The following PROM1 variants were observed in gnomAD, a reference collection of about 807,000 sequenced individuals.
The protein encoded by PROM1 is prominin 1.
Under a neutral mutation model 116.9 loss-of-function variants are expected in PROM1, and 105 were observed. That is an observed-to-expected ratio of 0.90 (90% confidence interval 0.77 to 1.06). The LOEUF is 1.06. Among genes scored for constraint, PROM1 ranks in the 50% least tolerant of loss-of-function variants. PROM1 has a pLI of 0.00. For synonymous variants in PROM1, 393 were observed against 387.0 expected (o/e 1.02, Z -0.18); for missense variants, 1,122 against 1,045.2 (o/e 1.07, Z -1.01).
chr4:16,040,050 C>T (rs912123592), intron 2 of PROM1, among the ~76,000 whole-genome samples: 3 of 152,130 alleles, frequency 2.0e-5, no homozygotes, highest in Non-Finnish European at 2.9e-5. Context: ...TCTCTCACCC[C>T]AGGAAGGAGC....
chr4:15,998,255 A>G, intron 15 of PROM1, 130 bp downstream of exon 15: 2 of 1,331,174 alleles, frequency 1.5e-6, no homozygotes, highest in Non-Finnish European at 2.0e-6. Flanking sequence ...TCTTTAAAAT[A>G]ATACAGGACA....
At chr4:16,025,070 A>C in intron 6 of PROM1, 122 bp downstream of exon 6, 1 of 1,216,220 alleles carries the variant, frequency 8.2e-7, no homozygotes. Flanking sequence ...TTAACAGATA[A>C]CACCAGTCTA....
chr4:16,036,794 C>A (rs1037083545), intron 3 of PROM1, among the ~76,000 whole-genome samples: 3 of 152,152 alleles, frequency 2.0e-5, no homozygotes, highest in Non-Finnish European at 4.4e-5. Flanking sequence ...GTCAGAAAGC[C>A]CTCCTCTAGA....
intron 2 of PROM1, among the ~76,000 whole-genome samples, chr4:16,039,841 G>T (rs1380461168): frequency 6.6e-6 from 1 of 151,960 alleles, no homozygotes; most frequent in African/African-American, 2.4e-5. Context: ...TACTCATTTA[G>T]AGTATTTGCA....
chr4:16,021,114 A>AAT (rs1729743963), intron 8 of PROM1, among the ~76,000 whole-genome samples: 1 of 151,582 alleles, frequency 6.6e-6, no homozygotes, highest in Admixed American at 6.6e-5. Context: ...AAAAAAAAAA[A>AAT]TGCTGGAGTA....
At chr4:16,064,227 A>G (rs768053598) in intron 2 of PROM1, among the ~76,000 whole-genome samples, 2 of 152,230 alleles carry the variant, frequency 1.3e-5, no homozygotes, top group African/African-American at 2.4e-5. Flanking sequence ...TCAAATGCCA[A>G]TGCAGTAGGG....
At chr4:16,066,340 A>T (rs1741527313) in intron 2 of PROM1, among the ~76,000 whole-genome samples, 1 of 152,232 alleles carries the variant, frequency 6.6e-6, no homozygotes, top group South Asian at 2.1e-4. Flanking sequence ...GTATCTACCA[A>T]GCGCTATTCT....
chr4:16,046,774 C>A (rs988501721), intron 2 of PROM1, among the ~76,000 whole-genome samples: 1 of 152,336 alleles, frequency 6.6e-6, no homozygotes, highest in East Asian at 1.9e-4. Context: ...CACGGAATCA[C>A]ACTGTCTACA....
At chr4:15,987,208 T>G (rs76565950) in intron 20 of PROM1, among the ~76,000 whole-genome samples, 1 of 152,196 alleles carries the variant, frequency 6.6e-6, no homozygotes, top group East Asian at 1.9e-4. Flanking sequence ...ACTCATCCCC[T>G]GAACTCCTGT....
intron 2 of PROM1, among the ~76,000 whole-genome samples, chr4:16,060,270 G>A (rs1739996994): frequency 6.6e-6 from 1 of 150,760 alleles, no homozygotes; most frequent in Non-Finnish European, 1.5e-5. Context: ...GATATATTAA[G>A]TTTTAAAAGC....
chr4:16,045,802 C>T (rs570138144), intron 2 of PROM1, among the ~76,000 whole-genome samples: 1 of 152,252 alleles, frequency 6.6e-6, no homozygotes, highest in African/African-American at 2.4e-5. Context: ...GGTACTTGCA[C>T]TCATAAAAAT....
chr4:16,031,910 A>G (rs747094647), intron 5 of PROM1, among the ~76,000 whole-genome samples: 130 of 151,994 alleles, frequency 8.6e-4, no homozygotes, highest in Non-Finnish European at 1.0e-3. Flanking sequence ...TGTTGTGAAG[A>G]TTTTTTTTGT....
intron 23 of PROM1, among the ~76,000 whole-genome samples, chr4:15,981,328 T>C (rs1394226285): frequency 6.7e-6 from 1 of 149,344 alleles, no homozygotes; most frequent in Non-Finnish European, 1.5e-5. Context: ...CTCAGCACTT[T>C]GGGAGGCCGA....
At chr4:16,012,665 T>C (rs1314159842) in intron 11 of PROM1, among the ~76,000 whole-genome samples, 1 of 151,934 alleles carries the variant, frequency 6.6e-6, no homozygotes, top group African/African-American at 2.4e-5. Flanking sequence ...GGTCAGGAGA[T>C]CGAGACCATC....
chr4:16,049,603 A>G (rs1479769082), intron 2 of PROM1, among the ~76,000 whole-genome samples: 1 of 152,154 alleles, frequency 6.6e-6, no homozygotes, highest in Admixed American at 6.5e-5. Context: ...CTTATGTAGG[A>G]TATGTGACCT....
intron 19 of PROM1, 92 bp downstream of exon 19, chr4:15,989,640 T>G: frequency 2.8e-6 from 3 of 1,064,254 alleles, no homozygotes; most frequent in Non-Finnish European, 4.3e-6. Context: ...CTATGAGAGA[T>G]GAGCATGTGT....
intron 8 of PROM1, among the ~76,000 whole-genome samples, chr4:16,021,329 T>C (rs1006312063): frequency 1.3e-5 from 2 of 152,148 alleles, no homozygotes; most frequent in African/African-American, 4.8e-5. Flanking sequence ...GGGCAAAAAG[T>C]AAAGGTATGC....
intron 8 of PROM1, among the ~76,000 whole-genome samples, chr4:16,021,646 G>A (rs1729920695): frequency 6.6e-6 from 1 of 152,168 alleles, no homozygotes; most frequent in South Asian, 2.1e-4. Context: ...ATCATCTGGG[G>A]CCATGTGAGC....
chr4:16,014,914 C>T (rs997512181), intron 10 of PROM1, among the ~76,000 whole-genome samples: 3 of 152,112 alleles, frequency 2.0e-5, no homozygotes, highest in African/African-American at 7.2e-5. Flanking sequence ...TGGGGGTTTA[C>T]AGTTCAGTGG....
Sources: allele counts gnomAD v4.1 joint callset (sites outside exome capture counted in the v4.1 genomes callset), GRCh38; gene constraint gnomAD v4.1.1; transcripts MANE v1.5; gene names NCBI Gene and HGNC (gene_info 2026-07-23, HGNC 2026-07-21).